The following SLITRK6 variants were observed in gnomAD, a reference collection of about 807,000 sequenced individuals.
The protein encoded by SLITRK6 is SLIT and NTRK like family member 6.
In SLITRK6, 35 loss-of-function variants were observed where a neutral mutation model predicts 55.6. That is an observed-to-expected ratio of 0.63 (90% confidence interval 0.48 to 0.83). The LOEUF (loss-of-function observed/expected upper bound fraction) is 0.83, where lower values mean the gene tolerates loss of function less well. SLITRK6 is among the 40% of genes least tolerant of loss of function. SLITRK6 has a pLI of 0.00. For synonymous variants in SLITRK6, 392 were observed against 359.6 expected (o/e 1.09, Z -1.02); for missense variants, 977 against 986.4 (o/e 0.99, Z 0.13).
chr13:85,794,892 T>G lies in SLITRK6; in HGVS notation c.1617A>C (p.Thr539=). The G allele has an allele frequency of 1.2e-6, 2 of 1,613,126 alleles. No homozygotes were observed. The highest frequency in any genetic ancestry group is 1.7e-6 in the Non-Finnish European group (2 of 1,179,522). ...AAGTGCAGAGGATGTCATCTGTCAC[T>G]GTGTTCTTGCTTAACTTTTGTATCC... is the stretch of plus-strand genomic sequence containing the variant. ...QQWIQKLSKN[T]VTDDILCTSP... Residue 539 remains threonine (T), a synonymous_variant, in exon 2 of 2, where the codon ACA becomes ACC. Transcript: ENST00000647374.
In SLITRK6 at chr13:85,796,280, T is replaced by C; in HGVS notation, c.229A>G (p.Thr77Ala). Residue 77 changes from threonine to alanine, a missense_variant, in exon 2 of 2, where the codon ACG becomes GCG. Physicochemically the swap from Thr to Ala is moderately conservative, Grantham distance 58 (BLOSUM62 0). Coordinates refer to ENST00000647374, the MANE Select transcript of SLITRK6 (RefSeq NM_032229.3). ...GAAAAGTCATTTGTGTGAAGCATCG[T>C]CAAGCCGTTATTTAATAAGCTTAGT... is the stretch of plus-strand genomic sequence containing the variant. ...FQLSLLNNGL[T>A]MLHTNDFSGL... 1 of 1,612,004 alleles carries C rather than the reference T, an allele frequency of 6.2e-7. No homozygotes were observed. Among genetic ancestry groups the C allele is most frequent in the Non-Finnish European group, 8.5e-7 (1 of 1,178,902 alleles).
Position 85,794,195 on chromosome 13 carries a change from T to A in SLITRK6, c.2314A>T (p.Thr772Ser), listed in dbSNP as rs377105956. Residue 772 changes from threonine to serine, a missense_variant, in exon 2 of 2, where the codon ACA (threonine) becomes TCA (serine). Transcript: ENST00000647374. ...KERELQQLGI[T>S]EYLRKNIAQL... ...GCAATGTTTTTCCTTAGGTATTCTG[T>A]GATTCCCAGTTGCTGAAGTTCCCTT... 21 of 1,612,942 alleles carry A rather than the reference T, an allele frequency of 1.3e-5. No homozygotes were observed. The African/African-American group carries it at 2.8e-4, about 22-fold the overall frequency.
chr13:85,795,662 A>G lies in SLITRK6; in HGVS notation c.847T>C (p.Leu283=). 6.2e-7 allele frequency: 1 copy of G among 1,613,080 alleles called. No individual in the cohort carries two copies. Among genetic ancestry groups the G allele is most frequent in the Non-Finnish European group, 8.5e-7 (1 of 1,179,446 alleles). ...ATTGAAGATGTTGCTGCCAGATGTA[A>G]TGATCCTGAAGGATCCTCATGTTCT... ...YEEHEDPSGS[L]HLAATSSIND... is the part of the protein sequence containing the mutation. Residue 283 remains leucine (L), a synonymous_variant, in exon 2 of 2, where the codon TTA becomes CTA. Coordinates refer to ENST00000647374, the MANE Select transcript of SLITRK6 (RefSeq NM_032229.3).
In SLITRK6 at chr13:85,795,589, G is replaced by C; in HGVS notation, c.920C>G (p.Pro307Arg). Residue 307 changes from proline to arginine, a missense_variant, in exon 2 of 2, where the codon CCC (proline) becomes CGC (arginine). Pro to Arg is a moderately radical substitution (Grantham distance 103). Coordinates refer to ENST00000647374, the MANE Select transcript of SLITRK6 (RefSeq NM_032229.3). ...STKTTSILKL[P>R]TKAPGLIPYI... Reference sequence around the variant, plus strand: ...AGGTATCAAACCTGGTGCTTTGGTGGGTAGTTTTAGAATGGACGTGGTCTT... The same window carrying C: ...AGGTATCAAACCTGGTGCTTTGGTGCGTAGTTTTAGAATGGACGTGGTCTT... 1 of 1,612,870 alleles carries C rather than the reference G, an allele frequency of 6.2e-7. No homozygotes were observed. Among genetic ancestry groups the C allele is most frequent in the Non-Finnish European group, 8.5e-7 (1 of 1,179,362 alleles).
intron 1 of SLITRK6, 41 bp from the exon 2 acceptor site, chr13:85,796,573 G>A: frequency 5.0e-6 from 7 of 1,413,570 alleles, no homozygotes; most frequent in Non-Finnish European, 6.5e-6. Flanking sequence ...TTAGTGGGCA[G>A]AACTGGGGAG....
At position 85,794,451 on chromosome 13, in the gene SLITRK6, C is replaced by A; in HGVS notation, c.2058G>T (p.Met686Ile). ...AGGATGGACTTCTATAGACATGAAC[C>A]ATGGGGCTCACCATGTGCTGTTCAT... ...SLYEQHMVSP[M>I]VHVYRSPSFG... The change falls in exon 2 of 2, where the codon ATG becomes ATT. Residue 686 changes from methionine (M) to isoleucine (I), a missense_variant. Coordinates refer to ENST00000647374, the MANE Select transcript of SLITRK6 (RefSeq NM_032229.3). The A allele has an allele frequency of 6.2e-7, 1 of 1,613,350 alleles. No homozygotes were observed. Among genetic ancestry groups the A allele is most frequent in the Non-Finnish European group, 8.5e-7 (1 of 1,179,568 alleles).
rs1874710729 is a variant in SLITRK6 at position 85,796,058 on chromosome 13, T to C, written c.451A>G (p.Ile151Val). ...LQADNNFITVIEPSAFSKLNR... is the reference protein window; with the variant it reads ...LQADNNFITVVEPSAFSKLNR... Reference sequence around the variant, plus strand: ...AGCTTGCTAAAGGCACTTGGTTCAATCACTGTGATAAAATTGTTATCTGCT... The same window carrying C: ...AGCTTGCTAAAGGCACTTGGTTCAACCACTGTGATAAAATTGTTATCTGCT... Residue 151 changes from isoleucine (I) to valine (V), a missense_variant, in exon 2 of 2, where the codon ATT (isoleucine) becomes GTT (valine). Ile to Val is a conservative substitution (Grantham distance 29, BLOSUM62 3). Coordinates refer to ENST00000647374, the MANE Select transcript of SLITRK6 (RefSeq NM_032229.3). 1 of 1,612,990 alleles carries C rather than the reference T, an allele frequency of 6.2e-7. No individual in the cohort carries two copies. The highest frequency in any genetic ancestry group is 1.3e-5 in the African/African-American group (1 of 74,836).
In SLITRK6 at chr13:85,794,954, AG is replaced by A. The variant is rs748308459; in HGVS notation, c.1554del (p.Trp519GlyfsTer17). The A allele has an allele frequency of 2.5e-6, 4 of 1,613,188 alleles. No individual in the cohort carries two copies. Among genetic ancestry groups the A allele is most frequent in the Non-Finnish European group, 3.4e-6 (4 of 1,179,514 alleles). The stretch of plus-strand genomic sequence containing the variant: ...CCAACCAGGTCACAGGAGCAGTCCC[AG>A]GGGTTATCCTCAAGGTCAATCTGGG... ...LLTQIDLEDN[P>X]WDCSCDLVGL... On this transcript the variant is annotated frameshift_variant, in exon 2 of 2. Transcript: ENST00000647374. LOFTEE classifies it high-confidence loss of function.
Position 85,795,993 on chromosome 13 carries a change from A to C in SLITRK6, c.516T>G (p.Ile172Met). ...GGAAGATGTTTGGAGGAAGACTCTCAATAGCATTGTCATTTAAAATTAACA... is the reference window on the plus strand; with the variant it reads ...GGAAGATGTTTGGAGGAAGACTCTCCATAGCATTGTCATTTAAAATTAACA... Reference protein sequence around the residue: ...LKVLILNDNAIESLPPNIFRF... With the variant: ...LKVLILNDNAMESLPPNIFRF... Residue 172 changes from isoleucine (I) to methionine (M), a missense_variant, in exon 2 of 2, where the codon ATT becomes ATG. Transcript: ENST00000647374. The C allele has an allele frequency of 6.2e-7, 1 of 1,613,118 alleles. No homozygotes were observed. The highest frequency in any genetic ancestry group is 8.5e-7 in the Non-Finnish European group (1 of 1,179,424).
intron 1 of SLITRK6, among the ~76,000 whole-genome samples, chr13:85,798,588 T>A (rs1435197941): frequency 6.6e-6 from 1 of 152,076 alleles, no homozygotes; most frequent in Non-Finnish European, 1.5e-5. Flanking sequence ...ATATTCTGCT[T>A]ATATTTGCAA....
At position 85,793,090 on chromosome 13, in the gene SLITRK6, G is replaced by A. The variant is rs1292989017; in HGVS notation, c.*893C>T. On this transcript the variant is annotated 3_prime_UTR_variant, in exon 2 of 2. Transcript: ENST00000647374. ...CTGTGAATTACTTGCCACAAGAAAT[G>A]TATTTCTATTATGGTCATTCAGATT... is the stretch of plus-strand genomic sequence containing the variant. The A allele has an allele frequency of 6.6e-6, 1 of 152,140 alleles. No homozygotes were observed. Among genetic ancestry groups the A allele is most frequent in the Non-Finnish European group, 1.5e-5 (1 of 67,828 alleles). The allele number at this position is 152,140 out of a possible 1,614,324, so 9.4% of individuals were successfully genotyped here.
chr13:85,795,412 C>T lies in SLITRK6; in HGVS notation c.1097G>A (p.Arg366Lys). ...AATATTTCCCGCTAGAATGAGCTTT[C>T]TAGGATTTTGCGGAGGAGGTCTCAG... ...SDLRPPPQNPRKLILAGNIIH... is the reference protein window; with the variant it reads ...SDLRPPPQNPKKLILAGNIIH... Residue 366 changes from arginine to lysine, a missense_variant, in exon 2 of 2, where the codon AGA becomes AAA. By Grantham distance (26) the Arg-to-Lys change is conservative. Coordinates refer to ENST00000647374, the MANE Select transcript of SLITRK6 (RefSeq NM_032229.3). The T allele has an allele frequency of 6.2e-7, 1 of 1,612,874 alleles. No individual in the cohort carries two copies. Among genetic ancestry groups the T allele is most frequent in the Non-Finnish European group, 8.5e-7 (1 of 1,179,380 alleles).
At position 85,796,003 on chromosome 13, in the gene SLITRK6, T is replaced by C; in HGVS notation, c.506A>G (p.Asp169Gly). The C allele has an allele frequency of 1.9e-6, 3 of 1,613,138 alleles. No individual in the cohort carries two copies. The highest frequency in any genetic ancestry group is 2.5e-6 in the Non-Finnish European group (3 of 1,179,438). The change falls in exon 2 of 2, where the codon GAC becomes GGC. Residue 169 changes from aspartate to glycine, a missense_variant. Coordinates refer to ENST00000647374, the MANE Select transcript of SLITRK6 (RefSeq NM_032229.3). ...LNRLKVLILNDNAIESLPPNI... is the reference protein window; with the variant it reads ...LNRLKVLILNGNAIESLPPNI... ...TGGAGGAAGACTCTCAATAGCATTG[T>C]CATTTAAAATTAACACTTTGAGTCT...
At position 85,796,052 on chromosome 13, in the gene SLITRK6, G is replaced by T; in HGVS notation, c.457C>A (p.Pro153Thr). The change falls in exon 2 of 2, where the codon CCA becomes ACA. Residue 153 changes from proline (P) to threonine (T), a missense_variant. Coordinates refer to ENST00000647374, the MANE Select transcript of SLITRK6 (RefSeq NM_032229.3). Reference protein sequence around the residue: ...ADNNFITVIEPSAFSKLNRLK... With the variant: ...ADNNFITVIETSAFSKLNRLK... ...CTGTTGAGCTTGCTAAAGGCACTTG[G>T]TTCAATCACTGTGATAAAATTGTTA... The T allele has an allele frequency of 6.2e-7, 1 of 1,613,092 alleles. No homozygotes were observed.
chr13:85,795,918 T>G lies in SLITRK6; in HGVS notation c.591A>C (p.Thr197=), dbSNP rs754372751. 1.2e-6 allele frequency: 2 copies of G among 1,612,970 alleles called. No individual in the cohort carries two copies. Among genetic ancestry groups the G allele is most frequent in the South Asian group, 1.1e-5 (1 of 91,038 alleles). The stretch of plus-strand genomic sequence containing the variant: ...GTTCGAGAAAACCAACATAAGGCAA[T>G]GTTTGTAATTGATTTCCACGAAGAT... ...HLDLRGNQLQ[T]LPYVGFLEHI... is the part of the protein sequence containing the mutation. The change falls in exon 2 of 2, where the codon ACA becomes ACC. Residue 197 remains threonine (T), a synonymous_variant. Transcript: ENST00000647374.
Position 85,794,394 on chromosome 13 carries a change from CTCT to C in SLITRK6, c.2112_2114del (p.Glu705del), listed in dbSNP as rs756728297. On this transcript the variant is annotated inframe_deletion, in exon 2 of 2. Transcript: ENST00000647374. ...CATCACTTCCTTCTTTCTCATTCCT[CTCT>C]TCTTCCTCTTCCAGATGCTTTGGAC... 4 of 1,613,258 alleles carry C rather than the reference CTCT, an allele frequency of 2.5e-6. No individual in the cohort carries two copies. In the South Asian group the frequency reaches 3.3e-5, roughly 13 times the overall value.
Position 85,796,411 on chromosome 13 carries a change from G to T in SLITRK6, c.98C>A (p.Ser33Tyr). 1 of 1,612,284 alleles carries T rather than the reference G, an allele frequency of 6.2e-7. No homozygotes were observed. The highest frequency in any genetic ancestry group is 8.5e-7 in the Non-Finnish European group (1 of 1,179,078). Residue 33 changes from serine to tyrosine, a missense_variant, in exon 2 of 2, where the codon TCT becomes TAT. Physicochemically the swap from Ser to Tyr is moderately radical, Grantham distance 144. Transcript: ENST00000647374. Reference sequence around the variant, plus strand: ...ATCTTTTTCCTCACAATTGCAAAGAGAATCACAAGAGCCTCTGGATGAGAG... The same window carrying T: ...ATCTTTTTCCTCACAATTGCAAAGATAATCACAAGAGCCTCTGGATGAGAG... ...PVLSSRGSCD[S>Y]LCNCEEKDGT...
Position 85,795,832 on chromosome 13 carries a change from A to C in SLITRK6, c.677T>G (p.Leu226Ter), listed in dbSNP as rs1279595040. 6.2e-7 allele frequency: 1 copy of C among 1,612,852 alleles called. No homozygotes were observed. Among genetic ancestry groups the C allele is most frequent in the Non-Finnish European group, 8.5e-7 (1 of 1,179,424 alleles). ...CTCCAACCAAGTTTTTAACTGCAATAAGTCACAATTGCAGGCCCATTTGTT... is the reference window on the plus strand; with the variant it reads ...CTCCAACCAAGTTTTTAACTGCAATCAGTCACAATTGCAGGCCCATTTGTT... ...EDNKWACNCD[L>*]LQLKTWLENM... Residue 226 changes from leucine to a stop codon, truncating the protein, a stop_gained, in exon 2 of 2, where the codon TTA becomes TGA. Coordinates refer to ENST00000647374, the MANE Select transcript of SLITRK6 (RefSeq NM_032229.3). LOFTEE classifies it high-confidence loss of function.
At chr13:85,797,209 C>T (rs34880475) in intron 1 of SLITRK6, among the ~76,000 whole-genome samples, 1,943 of 150,042 alleles carry the variant, frequency 0.013, 18 homozygotes, top group Admixed American at 0.023. Flanking sequence ...GAGGAAAATG[C>T]GTCTTTGATC....
Sources: allele counts gnomAD v4.1 joint callset (sites outside exome capture counted in the v4.1 genomes callset), GRCh38; gene constraint gnomAD v4.1.1; transcripts MANE v1.5; gene names NCBI Gene and HGNC (gene_info 2026-07-23, HGNC 2026-07-21).